WDFY4: variants seen among roughly 807,000 people sequenced by gnomAD.
WDFY4 encodes the protein WDFY family member 4.
WDFY4 carries 169 observed loss-of-function variants against 351.9 expected under a neutral mutation model. The ratio of observed to expected loss-of-function variants is 0.48; its 90% CI spans 0.42 to 0.55. WDFY4 has a LOEUF of 0.55. WDFY4 is among the 20% of genes least tolerant of loss of function. WDFY4 has a pLI of 0.00. For synonymous variants in WDFY4, 1,622 were observed against 1,574.6 expected (o/e 1.03, Z -0.71); for missense variants, 3,803 against 3,935.6 (o/e 0.97, Z 0.90).
At chr10:48,956,897 G>C (rs760983956) in intron 51 of WDFY4, among the ~76,000 whole-genome samples, 1 of 152,208 alleles carries the variant, frequency 6.6e-6, no homozygotes, top group Non-Finnish European at 1.5e-5. Flanking sequence ...GATTAACACG[G>C]ATCATGCATT....
At chr10:48,929,025 T>C (rs368413784) in intron 47 of WDFY4, among the ~76,000 whole-genome samples, 4 of 152,066 alleles carry the variant, frequency 2.6e-5, no homozygotes, top group Non-Finnish European at 5.9e-5. Flanking sequence ...AGAGTCAGGA[T>C]AGAGACATAG....
chr10:48,798,628 G>A (rs2066953303), intron 24 of WDFY4, among the ~76,000 whole-genome samples: 1 of 152,202 alleles, frequency 6.6e-6, no homozygotes, highest in Non-Finnish European at 1.5e-5. Flanking sequence ...AGTAAAGTGA[G>A]TCACTGGTTT....
chr10:48,892,650 A>G (rs1304765758), intron 44 of WDFY4, among the ~76,000 whole-genome samples: 1 of 152,226 alleles, frequency 6.6e-6, no homozygotes, highest in Non-Finnish European at 1.5e-5. Context: ...TGGAGATTAA[A>G]GAAGATACAT....
intron 39 of WDFY4, among the ~76,000 whole-genome samples, chr10:48,834,974 A>G (rs1169921939): frequency 1.3e-5 from 2 of 152,180 alleles, no homozygotes; most frequent in Admixed American, 1.3e-4. Context: ...ACATTGAGAG[A>G]TCTGGGAGAA....
chr10:48,945,070 T>G (rs1840969805), intron 49 of WDFY4, among the ~76,000 whole-genome samples: 1 of 152,146 alleles, frequency 6.6e-6, no homozygotes, highest in South Asian at 2.1e-4. Flanking sequence ...GAGGATTCAC[T>G]GCTAGTGGAA....
chr10:48,831,568 T>C (rs939711488), intron 38 of WDFY4, among the ~76,000 whole-genome samples: 2 of 152,246 alleles, frequency 1.3e-5, no homozygotes, highest in African/African-American at 4.8e-5. Context: ...AGAATCTCCT[T>C]CTAAATTGGC....
chr10:48,884,119 C>T (rs1342773648), intron 43 of WDFY4: 1 of 152,072 alleles, frequency 6.6e-6, no homozygotes, highest in African/African-American at 2.4e-5. Flanking sequence ...AAAAATTAAA[C>T]ATCTGATTTT....
chr10:48,713,496 G>A (rs2063820274), intron 2 of WDFY4, among the ~76,000 whole-genome samples: 1 of 152,228 alleles, frequency 6.6e-6, no homozygotes. Context: ...GTGGTACAGT[G>A]AATCCCAGCC....
chr10:48,834,534 T>C (rs3860188), intron 39 of WDFY4, among the ~76,000 whole-genome samples: 66,785 of 152,150 alleles, frequency 0.44, 15,545 homozygotes, highest in East Asian at 0.83. Flanking sequence ...AAGATCATCC[T>C]ATAGGTGATA....
chr10:48,888,880 G>A (rs2070576141), intron 43 of WDFY4, among the ~76,000 whole-genome samples: 1 of 152,162 alleles, frequency 6.6e-6, no homozygotes, highest in African/African-American at 2.4e-5. Context: ...GATCACTCTG[G>A]TTTTTCTCTC....
In WDFY4 at chr10:48,966,534, C is replaced by A. The variant is rs562479362; in HGVS notation, c.8445C>A (p.Thr2815=). Residue 2815 remains threonine (T), a synonymous_variant, in exon 55 of 62, where the codon ACC becomes ACA. Coordinates refer to ENST00000325239, the MANE Select transcript of WDFY4 (RefSeq NM_001394531.1). ...GTTCCCTGTCTCTCTAGCTCTTTAC[C>A]AAACCTCACCCAGCCAGGACTGCAG... ...NFGQVPKQLF[T]KPHPARTAAG... The A allele has an allele frequency of 1.7e-5, 26 of 1,551,844 alleles. No individual in the cohort carries two copies. Among genetic ancestry groups the A allele is most frequent in the Non-Finnish European group, 2.1e-5 (24 of 1,147,004 alleles).
At chr10:48,702,009 T>C (rs2063492966) in intron 1 of WDFY4, among the ~76,000 whole-genome samples, 1 of 152,234 alleles carries the variant, frequency 6.6e-6, no homozygotes, top group East Asian at 1.9e-4. Context: ...GTACATGTTT[T>C]CTTAAAGTCA....
At chr10:48,868,708 T>C (rs906035302) in intron 40 of WDFY4, among the ~76,000 whole-genome samples, 2 of 152,230 alleles carry the variant, frequency 1.3e-5, no homozygotes, top group African/African-American at 4.8e-5. Context: ...CTACACCATT[T>C]TGAGATGGAG....
rs56400730 is a variant in WDFY4, at chr10:48,821,165, C to T, written c.5813C>T (p.Ala1938Val). 2,232 of 1,551,358 alleles carry T rather than the reference C, an allele frequency of 1.4e-3. 34 individuals carry two copies. The African/African-American group carries it at 0.025, about 18-fold the overall frequency. ...LFHMTSGGDAAMFRDGKEPQP... is the reference protein window; with the variant it reads ...LFHMTSGGDAVMFRDGKEPQP... Reference sequence around the variant, plus strand: ...CACATGACAAGTGGAGGTGATGCAGCGATGTTCAGAGGTGAGTGGGGCAAC... The same window carrying T: ...CACATGACAAGTGGAGGTGATGCAGTGATGTTCAGAGGTGAGTGGGGCAAC... The change falls in exon 34 of 62, where the codon GCG becomes GTG. Residue 1938 changes from alanine to valine, a missense_variant. This residue lies in a region of WDFY4 where 3,054 missense variants were observed against 3,148.6 expected (regional missense o/e 0.97). Transcript: ENST00000325239.
chr10:48,700,361 T>G (rs1190071026), intron 1 of WDFY4, among the ~76,000 whole-genome samples: 1 of 152,210 alleles, frequency 6.6e-6, no homozygotes, highest in African/African-American at 2.4e-5. Flanking sequence ...TCTTGCCCAG[T>G]TTCTGCAAAT....
At chr10:48,953,946 A>G (rs1210256855) in intron 51 of WDFY4, among the ~76,000 whole-genome samples, 3 of 152,236 alleles carry the variant, frequency 2.0e-5, no homozygotes, top group African/African-American at 7.2e-5. Flanking sequence ...CCTTTAATAT[A>G]GAACATTTCT....
intron 13 of WDFY4, among the ~76,000 whole-genome samples, chr10:48,772,055 G>C (rs117341651): frequency 2.0e-5 from 3 of 152,102 alleles, no homozygotes; most frequent in East Asian, 3.9e-4. Flanking sequence ...TACAAACTGC[G>C]GCAAAGGTAT....
chr10:48,734,137 A>G (rs1467219389), intron 10 of WDFY4, 102 bp downstream of exon 10: 15 of 1,007,658 alleles, frequency 1.5e-5, no homozygotes, highest in Non-Finnish European at 2.1e-5. Context: ...AGGAGTAACC[A>G]ATACACAGCG....
chr10:48,712,214 A>C (rs1312649723), intron 2 of WDFY4, among the ~76,000 whole-genome samples: 1 of 152,256 alleles, frequency 6.6e-6, no homozygotes, highest in Non-Finnish European at 1.5e-5. Context: ...ACTATTGCTG[A>C]ACCTCAGTTA....
Sources: allele counts gnomAD v4.1 joint callset (sites outside exome capture counted in the v4.1 genomes callset), GRCh38; gene constraint gnomAD v4.1.1; regional missense constraint gnomAD v4.1.1; transcripts MANE v1.5; gene names NCBI Gene and HGNC (gene_info 2026-07-23, HGNC 2026-07-21).